The following USH2A variants were observed in gnomAD, a reference collection of about 807,000 sequenced individuals.
USH2A encodes Usher syndrome 2A (autosomal recessive, mild).
A neutral mutation model predicts 538.9 loss-of-function variants in USH2A; 443 were observed. That is an observed-to-expected ratio of 0.82 (90% CI 0.76 to 0.89). The LOEUF (loss-of-function observed/expected upper bound fraction) is 0.89, where lower values mean the gene tolerates loss of function less well. Among genes scored for constraint, USH2A ranks in the 40% least tolerant of loss-of-function variants. The pLI is 0.00. For missense variants in USH2A, 6,633 were observed against 6,324.8 expected, an observed-to-expected ratio of 1.05 and a Z score of -1.65; for synonymous variants, 2,413 against 2,273.5, an observed-to-expected ratio of 1.06 and a Z score of -1.75.
At chr1:215,713,740 T>C (rs776030169) in intron 61 of USH2A, among the ~76,000 whole-genome samples, 28 of 152,272 alleles carry the variant, frequency 1.8e-4, no homozygotes, top group Non-Finnish European at 3.7e-4. Flanking sequence ...TACTAGGCAA[T>C]GAATCATATC....
chr1:216,343,240 T>A (rs2038110128), intron 4 of USH2A, among the ~76,000 whole-genome samples: 1 of 151,796 alleles, frequency 6.6e-6, no homozygotes, highest in African/African-American at 2.4e-5. Flanking sequence ...AAAGTAATAA[T>A]CCTCATTATT....
intron 38 of USH2A, among the ~76,000 whole-genome samples, chr1:215,928,527 G>A (rs1037645442): frequency 6.6e-6 from 1 of 152,078 alleles, no homozygotes; most frequent in Non-Finnish European, 1.5e-5. Context: ...AGACATTTAT[G>A]GAAGATTGAC....
intron 20 of USH2A, among the ~76,000 whole-genome samples, chr1:216,182,783 A>T (rs904560999): frequency 2.6e-5 from 4 of 152,078 alleles, no homozygotes. Context: ...TTCCTTTTTC[A>T]AGTCTGTCAG....
rs575340009 is a variant in USH2A at position 216,198,984 on chromosome 1, C to T, written c.3812-400G>A. On this transcript the variant is annotated intron_variant, in intron 17 of 71. Transcript: ENST00000307340. The stretch of plus-strand genomic sequence containing the variant: ...TGATCATTATAGCTCCAGTCTGTAT[C>T]CTTTCAAATTTGGAGGTTTTAATTT... Among the ~76,000 whole-genome samples the T allele has an allele frequency of 3.3e-5, 5 of 152,246 alleles. No individual in the cohort carries two copies. In the South Asian group the frequency reaches 8.3e-4, roughly 25 times the overall value.
intron 16 of USH2A, among the ~76,000 whole-genome samples, chr1:216,202,019 C>T (rs1397420140): frequency 6.6e-6 from 1 of 152,062 alleles, no homozygotes; most frequent in Non-Finnish European, 1.5e-5. Context: ...TAAATATTTA[C>T]TAGATTAGAT....
At chr1:215,732,857 G>GACTA (rs1385531475) in intron 60 of USH2A, among the ~76,000 whole-genome samples, 2 of 151,658 alleles carry the variant, frequency 1.3e-5, no homozygotes, top group Non-Finnish European at 2.9e-5. Context: ...TTTTTCTATA[G>GACTA]ACTAACTACA....
chr1:215,666,776 T>C (rs1657616907), intron 64 of USH2A, among the ~76,000 whole-genome samples: 1 of 152,162 alleles, frequency 6.6e-6, no homozygotes, highest in South Asian at 2.1e-4. Flanking sequence ...GGTTGTGGAC[T>C]ATCCAGGCTG....
At chr1:216,211,598 C>T (rs777317167) in intron 15 of USH2A, among the ~76,000 whole-genome samples, 2 of 152,150 alleles carry the variant, frequency 1.3e-5, no homozygotes, top group Non-Finnish European at 2.9e-5. Context: ...TTAAAATATT[C>T]AAACTAGATA....
At chr1:216,037,593 T>G (rs2030044813) in intron 32 of USH2A, among the ~76,000 whole-genome samples, 1 of 152,130 alleles carries the variant, frequency 6.6e-6, no homozygotes, top group Admixed American at 6.6e-5. Context: ...TCCACCTGTT[T>G]AAAATTTCCA....
chr1:216,210,959 C>G (rs1472397791), intron 15 of USH2A, among the ~76,000 whole-genome samples: 1 of 141,384 alleles, frequency 7.1e-6, no homozygotes, highest in African/African-American at 2.6e-5. Flanking sequence ...AGCCTGGCGA[C>G]AGAGCGAGAC....
At chr1:216,128,735 T>A (rs113066663) in intron 21 of USH2A, among the ~76,000 whole-genome samples, 2 of 152,068 alleles carry the variant, frequency 1.3e-5, no homozygotes, top group Admixed American at 6.6e-5. Flanking sequence ...CAAGCATCAT[T>A]TCTTTGTGTT....
chr1:216,149,084 T>G (rs1016678336), intron 21 of USH2A, among the ~76,000 whole-genome samples: 5 of 152,102 alleles, frequency 3.3e-5, no homozygotes, highest in Admixed American at 2.6e-4. Flanking sequence ...TTCCTAGGCA[T>G]GGTTAGCACG....
chr1:216,128,636 G>T (rs1571983891), intron 21 of USH2A, among the ~76,000 whole-genome samples: 1 of 152,012 alleles, frequency 6.6e-6, no homozygotes, highest in East Asian at 1.9e-4. Context: ...AATAGTTGTA[G>T]ATATTTATGG....
chr1:216,319,251 A>G (rs927746512), intron 9 of USH2A, among the ~76,000 whole-genome samples: 7 of 152,360 alleles, frequency 4.6e-5, no homozygotes, highest in African/African-American at 1.7e-4. Flanking sequence ...AAAAGAAGAC[A>G]GTAGAAAAAT....
intron 3 of USH2A, among the ~76,000 whole-genome samples, chr1:216,387,827 T>A (rs1053437509): frequency 6.6e-6 from 1 of 152,184 alleles, no homozygotes; most frequent in Non-Finnish European, 1.5e-5. Context: ...GACACCTCCA[T>A]CTGCCCTCCC....
intron 3 of USH2A, among the ~76,000 whole-genome samples, chr1:216,366,065 T>A (rs2102710033): frequency 6.6e-6 from 1 of 152,308 alleles, no homozygotes; most frequent in African/African-American, 2.4e-5. Flanking sequence ...TGTTTGGACA[T>A]CAACTTCATC....
chr1:216,388,141 C>T (rs1226163209), intron 3 of USH2A, among the ~76,000 whole-genome samples: 1 of 152,102 alleles, frequency 6.6e-6, no homozygotes, highest in Admixed American at 6.5e-5. Context: ...TTTCACTTCA[C>T]GAGTTTAAGT....
intron 21 of USH2A, among the ~76,000 whole-genome samples, chr1:216,151,019 T>C (rs1314428503): frequency 5.9e-5 from 9 of 152,184 alleles, no homozygotes. Flanking sequence ...CATCCTTGGC[T>C]ACCTTCCCCT....
intron 18 of USH2A, 122 bp downstream of exon 18, chr1:216,198,193 G>T: frequency 7.1e-7 from 1 of 1,415,862 alleles, no homozygotes; most frequent in Non-Finnish European, 9.6e-7. Context: ...AATTTTCCTT[G>T]GTCTATGGAA....
Sources: allele counts gnomAD v4.1 joint callset (sites outside exome capture counted in the v4.1 genomes callset), GRCh38; gene constraint gnomAD v4.1.1; transcripts MANE v1.5; gene names NCBI Gene and HGNC (gene_info 2026-07-23, HGNC 2026-07-21).